MAGED1: variants seen among roughly 807,000 people sequenced by gnomAD.
The protein encoded by MAGED1 is melanoma-associated antigen D1.
In MAGED1, 3 loss-of-function variants were observed where a neutral mutation model predicts 54.1. That is an observed-to-expected ratio of 0.06 (90% CI 0.03 to 0.14). The LOEUF is 0.14. Among genes scored for constraint, MAGED1 ranks in the 10% least tolerant of loss-of-function variants. MAGED1 has a pLI of 1.00. For synonymous variants in MAGED1, 217 were observed against 227.3 expected (o/e 0.95, Z 0.41); for missense variants, 485 against 623.4 (o/e 0.78, Z 2.36).
upstream of MAGED1, chrX:51,893,538 C>T (rs1557363770): frequency 8.8e-6 from 1 of 113,989 alleles, no homozygotes; most frequent in Non-Finnish European, 1.9e-5. Flanking sequence ...GCAGGCGGGA[C>T]TGACTTTGGC....
intron 1 of MAGED1, among the ~76,000 whole-genome samples, chrX:51,832,447 C>T (rs888638456): frequency 9.0e-6 from 1 of 111,338 alleles, no homozygotes; most frequent in East Asian, 2.8e-4. Flanking sequence ...CCATTAACCA[C>T]TCCCACTTTA....
At chrX:51,815,077 A>G (rs1165235411) in intron 1 of MAGED1, among the ~76,000 whole-genome samples, 1 of 109,223 alleles carries the variant, frequency 9.2e-6, no homozygotes, top group Non-Finnish European at 1.9e-5. Context: ...TGGGGGGCAG[A>G]GCTTGCAGTG....
intron 11 of MAGED1, among the ~76,000 whole-genome samples, chrX:51,900,930 G>A (rs782520682): frequency 1.8e-5 from 2 of 111,745 alleles, no homozygotes; most frequent in African/African-American, 3.3e-5. Context: ...CACCGTACCC[G>A]GCCCATTCAT....
intron 1 of MAGED1, among the ~76,000 whole-genome samples, chrX:51,813,021 C>CT (rs781836909): frequency 0.093 from 7,127 of 76,762 alleles, 478 homozygotes; most frequent in Non-Finnish European, 0.14. Flanking sequence ...CCGCTGACAT[C>CT]TTTTTTTTTT....
At chrX:51,807,260 G>C (rs1326656660) in intron 1 of MAGED1, among the ~76,000 whole-genome samples, 1 of 111,506 alleles carries the variant, frequency 9.0e-6, no homozygotes, top group African/African-American at 3.3e-5. Flanking sequence ...TGAGGTGCCT[G>C]TTCAAATCTT....
At chrX:51,805,965 C>CTTTTTTTTTTTTTTT (rs57427122) in intron 1 of MAGED1, among the ~76,000 whole-genome samples, 11 of 36,935 alleles carry the variant, frequency 3.0e-4, no homozygotes, top group Admixed American at 5.3e-4. Context: ...CTTTTCTTTT[C>CTTTTTTTTTTTTTTT]TTTTTTTTTT....
At chrX:51,870,553 G>A (rs1927633907) in intron 1 of MAGED1, among the ~76,000 whole-genome samples, 1 of 112,116 alleles carries the variant, frequency 8.9e-6, no homozygotes, top group African/African-American at 3.2e-5. Flanking sequence ...AGAGACACAT[G>A]TAAATGGAGT....
At chrX:51,869,261 G>A (rs782810393) in intron 1 of MAGED1, among the ~76,000 whole-genome samples, 230 of 111,431 alleles carry the variant, frequency 2.1e-3, no homozygotes, top group Non-Finnish European at 3.5e-3. Context: ...TATGATAATG[G>A]GGATTGATTT....
At chrX:51,896,000 C>T (rs1928734172) in intron 3 of MAGED1, among the ~76,000 whole-genome samples, 1 of 112,310 alleles carries the variant, frequency 8.9e-6, no homozygotes, top group African/African-American at 3.2e-5. Flanking sequence ...TGTTAGTAAC[C>T]ACCATGTGTT....
rs1424578156 is a variant in MAGED1 at position 51,843,431 on chromosome X, G to T, written c.-37+40314G>T. The stretch of plus-strand genomic sequence containing the variant: ...TAGAGTGAAGATGTAAGACTGACAA[G>T]TGGTCAGAGAGGAGAGAAGATGCTA... On this transcript the variant is annotated intron_variant, in intron 1 of 12. Transcript: ENST00000375772. 2.7e-5 allele frequency among the ~76,000 whole-genome samples: 3 copies of T among 111,451 alleles called. No homozygotes were observed. The East Asian group carries it at 8.5e-4, about 32-fold the overall frequency.
At chrX:51,886,921 T>G (rs191574231) in intron 1 of MAGED1, among the ~76,000 whole-genome samples, 15 of 109,873 alleles carry the variant, frequency 1.4e-4, no homozygotes, top group African/African-American at 4.6e-4. Context: ...CTGGGCATGG[T>G]GTCACGCACC....
intron 1 of MAGED1, among the ~76,000 whole-genome samples, chrX:51,863,955 G>T (rs936721604): frequency 5.4e-5 from 6 of 110,679 alleles, no homozygotes; most frequent in Admixed American, 4.8e-4. Context: ...TTTTCATTTT[G>T]TTGATTGTTT....
intron 1 of MAGED1, among the ~76,000 whole-genome samples, chrX:51,842,142 T>C (rs1019638419): frequency 8.9e-6 from 1 of 112,110 alleles, no homozygotes; most frequent in Non-Finnish European, 1.9e-5. Context: ...ACTTTTGGTG[T>C]TTTCTTCTCT....
intron 1 of MAGED1, among the ~76,000 whole-genome samples, chrX:51,810,674 A>G (rs1462819827): frequency 2.7e-5 from 3 of 111,878 alleles, no homozygotes; most frequent in African/African-American, 9.7e-5. Context: ...CTCTGGGCAT[A>G]GGCAAATGGG....
intron 1 of MAGED1, among the ~76,000 whole-genome samples, chrX:51,837,443 A>G (rs1178339899): frequency 9.0e-6 from 1 of 111,475 alleles, no homozygotes; most frequent in Non-Finnish European, 1.9e-5. Context: ...AATGAAAGGG[A>G]TGATAGCAGT....
intron 1 of MAGED1, among the ~76,000 whole-genome samples, chrX:51,887,060 CAAA>C (rs1286956539): frequency 9.7e-4 from 38 of 38,988 alleles, no homozygotes; most frequent in Non-Finnish European, 1.6e-3. Context: ...TGTCTCAAAA[CAAA>C]GAAGAAAAAA....
upstream of MAGED1, among the ~76,000 whole-genome samples, chrX:51,893,245 C>A (rs1365566698): frequency 2.7e-5 from 3 of 109,556 alleles, no homozygotes; most frequent in African/African-American, 1.0e-4. Flanking sequence ...GCATGCTGGA[C>A]AAGGGGGTGG....
intron 1 of MAGED1, among the ~76,000 whole-genome samples, chrX:51,866,711 G>T (rs1478859974): frequency 8.9e-6 from 1 of 111,895 alleles, no homozygotes; most frequent in African/African-American, 3.2e-5. Flanking sequence ...TCATCAAAGG[G>T]TGTTTTTCTA....
In MAGED1 at chrX:51,809,007, T is replaced by C. The variant is rs184475290; in HGVS notation, c.-37+5890T>C. ...GTGAATTGTCTTAAAGTTATAGTTA[T>C]ACAGTAGCTTTGTTAAGTCAGTATC... On this transcript the variant is annotated intron_variant, in intron 1 of 12. Coordinates refer to the MAGED1 transcript ENST00000375772. Among the ~76,000 whole-genome samples, 12 of 112,584 alleles carry C rather than the reference T, an allele frequency of 1.1e-4. No homozygotes were observed. In the East Asian group the frequency reaches 3.1e-3, roughly 29 times the overall value.
Sources: gnomAD v4.1 joint callset for allele counts (sites outside exome capture counted in the v4.1 genomes callset) on GRCh38, gnomAD v4.1.1 for gene constraint, MANE v1.5 for transcripts, NCBI Gene and HGNC (gene_info 2026-07-23, HGNC 2026-07-21) for gene names.